CNTNAP2: variants seen among roughly 807,000 people sequenced by gnomAD.
CNTNAP2 encodes the protein contactin-associated protein-like 2.
A neutral mutation model predicts 155.2 loss-of-function variants in CNTNAP2; 98 were observed. The observed-to-expected ratio is 0.63, with a 90% CI of 0.54 to 0.75. CNTNAP2 has a LOEUF of 0.75. Among genes scored for constraint, CNTNAP2 ranks in the 30% least tolerant of loss-of-function variants. CNTNAP2 has a pLI of 0.00. For missense variants in CNTNAP2, 1,727 were observed against 1,688.1 expected (o/e 1.02, Z -0.40); for synonymous variants, 651 against 631.2 (o/e 1.03, Z -0.47).
rs188218583 is a variant in CNTNAP2, at chr7:147,712,379, A to G, written c.2098+73073A>G. Among the ~76,000 whole-genome samples, 7 of 152,318 alleles carry G rather than the reference A, an allele frequency of 4.6e-5. No individual in the cohort carries two copies. The East Asian group carries it at 1.4e-3, about 29-fold the overall frequency. On this transcript the variant is annotated intron_variant, in intron 13 of 23. Coordinates refer to ENST00000361727, the MANE Select transcript of CNTNAP2 (RefSeq NM_014141.6). Reference sequence around the variant, plus strand: ...TAGAACTAGAAATACCATTTGACCCAGCCATCCCATGACTGGACATATACC... The same window carrying G: ...TAGAACTAGAAATACCATTTGACCCGGCCATCCCATGACTGGACATATACC...
intron 18 of CNTNAP2, among the ~76,000 whole-genome samples, chr7:148,191,499 A>G (rs1795202643): frequency 6.6e-6 from 1 of 152,214 alleles, no homozygotes; most frequent in Non-Finnish European, 1.5e-5. Flanking sequence ...GCTATAGCAT[A>G]CTGCCATAGA....
At chr7:146,712,525 G>T (rs1801115192) in intron 1 of CNTNAP2, among the ~76,000 whole-genome samples, 1 of 149,760 alleles carries the variant, frequency 6.7e-6, no homozygotes, top group African/African-American at 2.4e-5. Context: ...GAAAACAGTT[G>T]AAAGGCCAGA....
intron 17 of CNTNAP2, among the ~76,000 whole-genome samples, chr7:148,148,443 C>T (rs1805236828): frequency 6.6e-6 from 1 of 152,190 alleles, no homozygotes; most frequent in Non-Finnish European, 1.5e-5. Flanking sequence ...AAATTAGCAA[C>T]TTTTCCTCTG....
rs563092628 is a variant in CNTNAP2 at position 147,252,709 on chromosome 7, G to A, written c.1349-47432G>A. ...TACTAATTATAATACCAAACTCATG[G>A]TAGATTGATTTATTCTGTCACATAT... is the stretch of plus-strand genomic sequence containing the variant. On this transcript the variant is annotated intron_variant, in intron 8 of 23. Transcript: ENST00000361727. Among the ~76,000 whole-genome samples the A allele has an allele frequency of 1.0e-3, 155 of 152,212 alleles. 1 individual carries two copies. Among genetic ancestry groups the A allele is most frequent in the African/African-American group, 3.6e-3 (149 of 41,506 alleles).
intron 12 of CNTNAP2, among the ~76,000 whole-genome samples, chr7:147,605,014 A>G (rs1410216805): frequency 1.3e-5 from 2 of 152,128 alleles, no homozygotes; most frequent in African/African-American, 4.8e-5. Context: ...ATTTTGTCTG[A>G]TACTCCATTT....
At chr7:147,245,529 CT>C (rs1804040898) in intron 8 of CNTNAP2, among the ~76,000 whole-genome samples, 1 of 151,928 alleles carries the variant, frequency 6.6e-6, no homozygotes, top group Non-Finnish European at 1.5e-5. Flanking sequence ...TGATCTAGAT[CT>C]CAAATAAAAT....
rs566423470 is a variant in CNTNAP2, at chr7:146,642,425, T to G, written c.98-131846T>G. On this transcript the variant is annotated intron_variant, in intron 1 of 23. Coordinates refer to ENST00000361727, the MANE Select transcript of CNTNAP2 (RefSeq NM_014141.6). ...TATGCAGTGTTTGGTTTTTTGTTCT[T>G]GCGATAGTTTACTGAGAATGATGAT... Among the ~76,000 whole-genome samples, 31 of 151,222 alleles carry G rather than the reference T, an allele frequency of 2.0e-4. No homozygotes were observed. In the East Asian group the frequency reaches 5.7e-3, roughly 28 times the overall value.
intron 13 of CNTNAP2, among the ~76,000 whole-genome samples, chr7:147,746,124 C>T (rs17417231): frequency 0.21 from 32,379 of 152,104 alleles, 3,650 homozygotes; most frequent in Middle Eastern, 0.39. Context: ...TTTACCTTTA[C>T]GTGCTTCCTT....
intron 8 of CNTNAP2, among the ~76,000 whole-genome samples, chr7:147,142,751 AT>A (rs1229998976): frequency 6.6e-6 from 1 of 152,142 alleles, no homozygotes; most frequent in Non-Finnish European, 1.5e-5. Context: ...TTAAAGTATA[AT>A]TAAACAAAAA....
chr7:146,987,301 A>G (rs553600219), intron 3 of CNTNAP2, among the ~76,000 whole-genome samples: 1 of 152,260 alleles, frequency 6.6e-6, no homozygotes, highest in Admixed American at 6.5e-5. Flanking sequence ...TTTTTGAACT[A>G]CTTTATTTTA....
chr7:146,786,871 A>G (rs1802582710), intron 2 of CNTNAP2: 1 of 152,152 alleles, frequency 6.6e-6, no homozygotes, highest in South Asian at 2.1e-4. Flanking sequence ...ATTGATAGAC[A>G]ATGGTATCTG....
At chr7:147,690,699 A>G (rs139048798) in intron 13 of CNTNAP2, among the ~76,000 whole-genome samples, 2,505 of 152,248 alleles carry the variant, frequency 0.016, 222 homozygotes, top group Admixed American at 0.15. Flanking sequence ...TTATGTATAT[A>G]TGCTTTTCTT....
At chr7:146,122,051 T>G (rs2116719991) in intron 1 of CNTNAP2, among the ~76,000 whole-genome samples, 1 of 152,270 alleles carries the variant, frequency 6.6e-6, no homozygotes, top group South Asian at 2.1e-4. Flanking sequence ...ACAGTTCATT[T>G]TATGGGAAGA....
At chr7:147,148,218 G>A (rs887646874) in intron 8 of CNTNAP2, among the ~76,000 whole-genome samples, 5 of 151,468 alleles carry the variant, frequency 3.3e-5, no homozygotes, top group Admixed American at 6.6e-5. Context: ...GTGAAACCCC[G>A]TCTCTACTAA....
intron 15 of CNTNAP2, among the ~76,000 whole-genome samples, chr7:148,032,582 G>C (rs139328557): frequency 1.9e-3 from 285 of 152,240 alleles, no homozygotes; most frequent in African/African-American, 6.4e-3. Context: ...AGACACCCAA[G>C]GGAAACGTTC....
At chr7:148,331,755 C>CAGAT (rs1563046070) in intron 21 of CNTNAP2, among the ~76,000 whole-genome samples, 4 of 67,174 alleles carry the variant, frequency 6.0e-5, no homozygotes, top group Admixed American at 1.7e-4. Context: ...ATGGAACGGA[C>CAGAT]GGATGGATTG....
At chr7:148,164,793 G>T (rs546998998) in intron 17 of CNTNAP2, among the ~76,000 whole-genome samples, 117 of 147,026 alleles carry the variant, frequency 8.0e-4, no homozygotes, top group African/African-American at 2.8e-3. Flanking sequence ...GCTAATTTTT[G>T]TATTTTTTTA....
chr7:146,677,226 C>T (rs1800416146), intron 1 of CNTNAP2, among the ~76,000 whole-genome samples: 1 of 152,116 alleles, frequency 6.6e-6, no homozygotes, highest in African/African-American at 2.4e-5. Flanking sequence ...AAGTGGGGTT[C>T]TTCCAGGTTA....
At chr7:146,750,009 T>C (rs1585072618) in intron 1 of CNTNAP2, among the ~76,000 whole-genome samples, 1 of 152,272 alleles carries the variant, frequency 6.6e-6, no homozygotes, top group East Asian at 1.9e-4. Context: ...TTTTCTCACA[T>C]AGACTCCCAG....
Sources: allele counts gnomAD v4.1 joint callset (sites outside exome capture counted in the v4.1 genomes callset), GRCh38; gene constraint gnomAD v4.1.1; transcripts MANE v1.5; gene names NCBI Gene and HGNC (gene_info 2026-07-23, HGNC 2026-07-21).